The following JAK3 variants were observed in gnomAD, a reference collection of about 807,000 sequenced individuals.
JAK3 encodes the protein Janus kinase 3, also known as tyrosine-protein kinase JAK3.
Under a neutral mutation model 120.8 loss-of-function variants are expected in JAK3, and 88 were observed. The observed-to-expected ratio is 0.73, with a 90% CI of 0.61 to 0.87. The LOEUF is 0.87. Among genes scored for constraint, JAK3 ranks in the 40% least tolerant of loss-of-function variants. The pLI is 0.00. For synonymous variants in JAK3, 592 were observed against 628.6 expected, an observed-to-expected ratio of 0.94 and a Z score of 0.87; for missense variants, 1,254 against 1,501.4, an observed-to-expected ratio of 0.84 and a Z score of 2.72.
At chr19:17,839,711 C>A in intron 9 of JAK3, 48 bp from the exon 10 acceptor site, 1 of 1,353,146 alleles carries the variant, frequency 7.4e-7, no homozygotes, top group Non-Finnish European at 1.0e-6. Context: ...CAGACACTCT[C>A]CTTCTCAGTC....
At chr19:17,845,891 C>T (rs2094251156) in intron 1 of JAK3, among the ~76,000 whole-genome samples, 2 of 152,100 alleles carry the variant, frequency 1.3e-5, no homozygotes, top group African/African-American at 4.8e-5. Flanking sequence ...GTGGCACAAT[C>T]TCGGCTTACT....
intron 12 of JAK3, 28 bp from the exon 13 acceptor site, chr19:17,837,241 T>C (rs765603614): frequency 2.0e-6 from 3 of 1,531,598 alleles, no homozygotes; most frequent in Non-Finnish European, 2.7e-6. Flanking sequence ...GGAGAGAAGA[T>C]GCGTGGGTTT....
rs2094238444 is a variant in JAK3, at chr19:17,841,437, G to A, written c.1094C>T (p.Pro365Leu). Reference sequence around the variant, plus strand: ...GGCCACTTCCTCCAGCAGCCTCGGCGGTGCCACCTCCTTGCAGAAGAAGTG... The same window carrying A: ...GGCCACTTCCTCCAGCAGCCTCGGCAGTGCCACCTCCTTGCAGAAGAAGTG... Reference protein sequence around the residue: ...SQHFFCKEVAPPRLLEEVAEQ... With the variant: ...SQHFFCKEVALPRLLEEVAEQ... Residue 365 changes from proline (P) to leucine (L), a missense_variant, in exon 8 of 24, where the codon CCG becomes CTG. Physicochemically the swap from Pro to Leu is moderately conservative, Grantham distance 98. This residue lies in a region of JAK3 where 486 missense variants were observed against 503.0 expected (regional missense o/e 0.97). Transcript: ENST00000458235. The surrounding 1 kb of genome is among the most constrained non-coding windows in gnomAD (Gnocchi z 4.1). The A allele has an allele frequency of 6.4e-7, 1 of 1,554,368 alleles. No homozygotes were observed. The highest frequency in any genetic ancestry group is 8.7e-7 in the Non-Finnish European group (1 of 1,148,920).
At position 17,838,248 on chromosome 19, in the gene JAK3, C is replaced by T. The variant is rs2094229088; in HGVS notation, c.1569+15G>A. On this transcript the variant is annotated intron_variant, in intron 11 of 23. Coordinates refer to ENST00000458235, the MANE Select transcript of JAK3 (RefSeq NM_000215.4). ...CCCAGACTGAGGTATCGCCTCATTTCCCAGGGCCTCTTACCCACTCCAGGC... is the reference window on the plus strand; with the variant it reads ...CCCAGACTGAGGTATCGCCTCATTTTCCAGGGCCTCTTACCCACTCCAGGC... The T allele has an allele frequency of 1.2e-6, 2 of 1,614,012 alleles. No individual in the cohort carries two copies. Among genetic ancestry groups the T allele is most frequent in the Admixed American group, 1.7e-5 (1 of 60,004 alleles).
At chr19:17,847,786 T>G (rs1176311697) in intron 1 of JAK3, among the ~76,000 whole-genome samples, 160 bp downstream of exon 1, 1 of 152,138 alleles carries the variant, frequency 6.6e-6, no homozygotes, top group African/African-American at 2.4e-5. Context: ...GATCGGAGGA[T>G]GCGAGTCTCG....
At chr19:17,827,647 C>A (rs1599863718) in intron 23 of JAK3, among the ~76,000 whole-genome samples, 1 of 145,376 alleles carries the variant, frequency 6.9e-6, no homozygotes, top group South Asian at 2.2e-4. Flanking sequence ...GCGCCCAGCC[C>A]TTATGGATTT....
chr19:17,830,220 T>C lies in JAK3; in HGVS notation c.3097-2A>G, dbSNP rs1432572214. 1 of 1,551,080 alleles carries C rather than the reference T, an allele frequency of 6.4e-7. No individual in the cohort carries two copies. Reference sequence around the variant, plus strand: ...ACATCCCATCATCCGCAGGAACTCCTGGAGCCAAGGAGGAGCGCATGTGGT... The same window carrying C: ...ACATCCCATCATCCGCAGGAACTCCCGGAGCCAAGGAGGAGCGCATGTGGT... On this transcript the variant is annotated splice_acceptor_variant, in intron 22 of 23. Coordinates refer to ENST00000458235, the MANE Select transcript of JAK3 (RefSeq NM_000215.4). LOFTEE classifies it high-confidence loss of function.
chr19:17,828,648 C>T (rs1336032167), intron 23 of JAK3, among the ~76,000 whole-genome samples: 1 of 152,116 alleles, frequency 6.6e-6, no homozygotes, highest in Non-Finnish European at 1.5e-5. Flanking sequence ...CTCAGCCTCC[C>T]AAAGTGTTGG....
chr19:17,845,445 G>C (rs866349780), intron 1 of JAK3, among the ~76,000 whole-genome samples: 1 of 151,882 alleles, frequency 6.6e-6, no homozygotes, highest in Non-Finnish European at 1.5e-5. Context: ...GTGAGCCACC[G>C]CGCCTGGCCG....
intron 23 of JAK3, among the ~76,000 whole-genome samples, chr19:17,828,043 C>T (rs2094207310): frequency 6.6e-6 from 1 of 152,060 alleles, no homozygotes; most frequent in Admixed American, 6.6e-5. Flanking sequence ...AGCTCATTAC[C>T]TCCCCAAGGC....
rs201576913 is a variant in JAK3 at position 17,832,829 on chromosome 19, G to A, written c.2451C>T (p.Phe817=). ...QLYACQDPTI[F]EERHLKYISQ... ...AGATGTACTTGAGGTGTCTCTCCTC[G>A]AAGATCGTGGGGTCTTGGCAGGCAT... The change falls in exon 18 of 24, where the codon TTC becomes TTT. Residue 817 remains phenylalanine (F), a synonymous_variant. Coordinates refer to ENST00000458235, the MANE Select transcript of JAK3 (RefSeq NM_000215.4). This position sits in a 1 kb window ranked among gnomAD's most constrained non-coding sequence, Gnocchi z 4.7. 329 of 1,614,208 alleles carry A rather than the reference G, an allele frequency of 2.0e-4. 4 individuals carry two copies. In the South Asian group the frequency reaches 3.5e-3, roughly 17 times the overall value.
Position 17,831,867 on chromosome 19 carries a change from C to G in JAK3, c.2681-69G>C. On this transcript the variant is annotated intron_variant, in intron 19 of 23. Transcript: ENST00000458235. The surrounding 1 kb of genome is among the most constrained non-coding windows in gnomAD (Gnocchi z 5.1). The stretch of plus-strand genomic sequence containing the variant: ...GTCCCCCCATTCTTCCCCCCTTTCA[C>G]AGTGGGACCTTGTGTCCCTCTCGAC... The G allele has an allele frequency of 1.3e-6, 2 of 1,594,142 alleles. No homozygotes were observed. The highest frequency in any genetic ancestry group is 1.7e-6 in the Non-Finnish European group (2 of 1,166,372).
intron 9 of JAK3, 55 bp from the exon 10 acceptor site, chr19:17,839,718 A>G: frequency 2.4e-6 from 3 of 1,270,156 alleles, no homozygotes; most frequent in Admixed American, 2.2e-5. Context: ...TCTCCTTCTC[A>G]GTCCTTCTTC....
chr19:17,831,479 A>T lies in JAK3; in HGVS notation c.2806-79T>A. 6.3e-7 allele frequency: 1 copy of T among 1,576,636 alleles called. No homozygotes were observed. The highest frequency in any genetic ancestry group is 8.6e-7 in the Non-Finnish European group (1 of 1,162,100). Reference sequence around the variant, plus strand: ...TACCCCAAGCGTGACCTGGCACCCCAACCCAGACCCCAACTATAACCCTAC... The same window carrying T: ...TACCCCAAGCGTGACCTGGCACCCCTACCCAGACCCCAACTATAACCCTAC... On this transcript the variant is annotated intron_variant, in intron 20 of 23. Coordinates refer to ENST00000458235, the MANE Select transcript of JAK3 (RefSeq NM_000215.4). This position sits in a 1 kb window ranked among gnomAD's most constrained non-coding sequence, Gnocchi z 5.1.
Position 17,832,511 on chromosome 19 carries a change from T to G in JAK3, c.2680+8A>C. The G allele has an allele frequency of 1.2e-6, 2 of 1,614,038 alleles. No homozygotes were observed. Among genetic ancestry groups the G allele is most frequent in the Non-Finnish European group, 8.5e-7 (1 of 1,179,916 alleles). On this transcript the variant is annotated splice_region_variant and intron_variant, in intron 19 of 23. Coordinates refer to ENST00000458235, the MANE Select transcript of JAK3 (RefSeq NM_000215.4). The surrounding 1 kb of genome is among the most constrained non-coding windows in gnomAD (Gnocchi z 4.7). ...CGTCTTGGTTCACTCATCCGGGAGC[T>G]GGCTCACCCGGGCCATAGCTGACAC...
At position 17,843,264 on chromosome 19, in the gene JAK3, C is replaced by T. The variant is rs2094244508; in HGVS notation, c.421-92G>A. 5 of 1,541,796 alleles carry T rather than the reference C, an allele frequency of 3.2e-6. No homozygotes were observed. The highest frequency in any genetic ancestry group is 4.4e-6 in the Non-Finnish European group (5 of 1,139,040). ...GACCCCCCCAATCCTGGGCTGACCC[C>T]CACCCCTGGACTGCCACAGGGAGGG... On this transcript the variant is annotated intron_variant, in intron 4 of 23. Transcript: ENST00000458235. The surrounding 1 kb of genome is among the most constrained non-coding windows in gnomAD (Gnocchi z 5.4).
chr19:17,826,853 T>C lies in JAK3; in HGVS notation c.3265A>G (p.Ser1089Gly), dbSNP rs2147669963. 1 of 1,613,908 alleles carries C rather than the reference T, an allele frequency of 6.2e-7. No individual in the cohort carries two copies. Among genetic ancestry groups the C allele is most frequent in the Non-Finnish European group, 8.5e-7 (1 of 1,180,022 alleles). Reference protein sequence around the residue: ...APSPQDRPSFSALGPQLDMLW... With the variant: ...APSPQDRPSFGALGPQLDMLW... ...ATGTCCAGCTGGGGGCCCAGGGCGC[T>C]GAATGATGGCCGGTCCTGTGGGCTA... The change falls in exon 24 of 24, where the codon AGC (serine) becomes GGC (glycine). Residue 1089 changes from serine to glycine, a missense_variant. By Grantham distance (56) the Ser-to-Gly change is moderately conservative. Transcript: ENST00000458235.
intron 1 of JAK3, among the ~76,000 whole-genome samples, chr19:17,847,306 G>T (rs971984225): frequency 6.6e-6 from 1 of 152,072 alleles, no homozygotes; most frequent in Non-Finnish European, 1.5e-5. Flanking sequence ...TTAGAGACCT[G>T]CCTGAACAAC....
In JAK3 at chr19:17,841,802, G is replaced by C. The variant is rs765075103; in HGVS notation, c.862-40C>G. 17 of 1,597,758 alleles carry C rather than the reference G, an allele frequency of 1.1e-5. No homozygotes were observed. The African/African-American group carries it at 2.3e-4, about 21-fold the overall frequency. ...GAGTACCGAAGTGGGGGCCCAGCTG[G>C]ACCCCGCCAAACCACGCCCATGAAC... is the stretch of plus-strand genomic sequence containing the variant. On this transcript the variant is annotated intron_variant, in intron 6 of 23. Coordinates refer to ENST00000458235, the MANE Select transcript of JAK3 (RefSeq NM_000215.4). The surrounding 1 kb of genome is among the most constrained non-coding windows in gnomAD (Gnocchi z 4.1).
Sources: allele counts gnomAD v4.1 joint callset (sites outside exome capture counted in the v4.1 genomes callset), GRCh38; gene constraint gnomAD v4.1.1; regional missense constraint gnomAD v4.1.1; non-coding constraint Gnocchi (gnomAD v3.1); transcripts MANE v1.5; gene names NCBI Gene and HGNC (gene_info 2026-07-23, HGNC 2026-07-21).